ITGA11: variants seen among roughly 807,000 people sequenced by gnomAD.
The protein encoded by ITGA11 is integrin subunit alpha 11.
ITGA11 carries 97 observed loss-of-function variants against 141.9 expected under a neutral mutation model. That is an observed-to-expected ratio of 0.68 (90% confidence interval 0.58 to 0.81). The LOEUF is 0.81. ITGA11 is among the 30% of genes least tolerant of loss of function. ITGA11 has a pLI of 0.00. For synonymous variants in ITGA11, 658 were observed against 624.6 expected (o/e 1.05, Z -0.80); for missense variants, 1,387 against 1,559.2 (o/e 0.89, Z 1.86).
chr15:68,337,277 G>A (rs192565233), intron 11 of ITGA11, among the ~76,000 whole-genome samples: 23 of 152,292 alleles, frequency 1.5e-4, no homozygotes, highest in Non-Finnish European at 3.1e-4. Context: ...TGGTACCCAG[G>A]CAACTCTCTG....
chr15:68,313,799 C>T lies in ITGA11; in HGVS notation c.2862G>A (p.Glu954=), dbSNP rs1893477293. ...CCCACCTGGTGAAGAGGACGTCAGC[C>T]TCGTATTTGAGGTGGAAGCGTAAGG... The part of the protein sequence containing the change: ...VAPLRFHLKY[E]ADVLFTRSSS... The change falls in exon 23 of 30, where the codon GAG becomes GAA. Residue 954 remains glutamate, a synonymous_variant. Transcript: ENST00000315757. 1.2e-6 allele frequency: 2 copies of T among 1,613,930 alleles called. No homozygotes were observed. Among genetic ancestry groups the T allele is most frequent in the Non-Finnish European group, 1.7e-6 (2 of 1,179,864 alleles).
chr15:68,381,559 A>T (rs1895861630), intron 2 of ITGA11, among the ~76,000 whole-genome samples: 1 of 146,792 alleles, frequency 6.8e-6, no homozygotes, highest in Non-Finnish European at 1.5e-5. Context: ...CAGCATTCCA[A>T]TTTTTTTTTT....
chr15:68,342,698 A>AG (rs1894607733), intron 10 of ITGA11, among the ~76,000 whole-genome samples: 1 of 152,212 alleles, frequency 6.6e-6, no homozygotes, highest in Admixed American at 6.5e-5. Context: ...AGCATGGTCT[A>AG]GGGCAGTGCT....
At chr15:68,340,569 AGGCACT>A (rs959189419) in intron 10 of ITGA11, among the ~76,000 whole-genome samples, 12 of 152,108 alleles carry the variant, frequency 7.9e-5, no homozygotes, top group Admixed American at 6.6e-4. Context: ...CCAGCACCCA[AGGCACT>A]GGTGCTTCTG....
intron 1 of ITGA11, among the ~76,000 whole-genome samples, chr15:68,412,117 G>T (rs1162625363): frequency 6.6e-6 from 1 of 152,134 alleles, no homozygotes; most frequent in Non-Finnish European, 1.5e-5. Context: ...GGGGATTATT[G>T]GTTACAGGAC....
chr15:68,303,221 C>G lies in ITGA11; in HGVS notation c.3496-91G>C. ...CCTCCACTACCTTTCCTTGGGATTC[C>G]TCCCTCAGGGCTTCCTTGAGTACCC... On this transcript the variant is annotated intron_variant, in intron 29 of 29. Transcript: ENST00000315757. The surrounding 1 kb of genome is among the most constrained non-coding windows in gnomAD (Gnocchi z 5.3). 1 of 1,128,166 alleles carries G rather than the reference C, an allele frequency of 8.9e-7. No homozygotes were observed. Among genetic ancestry groups the G allele is most frequent in the East Asian group, 2.6e-5 (1 of 38,994 alleles). 69.9% of individuals were successfully genotyped at this position (1,128,166 alleles called of 1,614,324 possible).
Position 68,427,012 on chromosome 15 carries a change from C to CA in ITGA11, c.52+5002dup, listed in dbSNP as rs148867034. On this transcript the variant is annotated intron_variant, in intron 1 of 29. Coordinates refer to ENST00000315757, the MANE Select transcript of ITGA11 (RefSeq NM_001004439.2). ...CCTGGGCGACAGAGCAAGACTGTCT[C>CA]AAAAAAAAAAAAAAAAAAAAAAAAA... Among the ~76,000 whole-genome samples, 76 of 47,826 alleles carry CA rather than the reference C, an allele frequency of 1.6e-3. 2 individuals carry two copies. The highest frequency in any genetic ancestry group is 5.4e-3 in the African/African-American group (57 of 10,552). 31.4% of individuals were successfully genotyped at this position (47,826 alleles called of 152,430 possible).
At position 68,328,601 on chromosome 15, in the gene ITGA11, C is replaced by T. The variant is rs541408142; in HGVS notation, c.1902-339G>A. ...GCAGTGGTTCCCCACCCTGGATGCACATGTGAGTCATCTGAAGAGCTTAAA... is the reference window on the plus strand; with the variant it reads ...GCAGTGGTTCCCCACCCTGGATGCATATGTGAGTCATCTGAAGAGCTTAAA... On this transcript the variant is annotated intron_variant, in intron 15 of 29. Transcript: ENST00000315757. The surrounding 1 kb of genome is among the most constrained non-coding windows in gnomAD (Gnocchi z 4.8). 9.2e-5 allele frequency among the ~76,000 whole-genome samples: 14 copies of T among 152,292 alleles called. No homozygotes were observed. The highest frequency in any genetic ancestry group is 3.4e-4 in the African/African-American group (14 of 41,546).
At position 68,335,657 on chromosome 15, in the gene ITGA11, C is replaced by T. The variant is rs754047601; in HGVS notation, c.1425+40G>A. The T allele has an allele frequency of 1.2e-6, 2 of 1,606,616 alleles. No homozygotes were observed. Among genetic ancestry groups the T allele is most frequent in the Admixed American group, 1.7e-5 (1 of 59,282 alleles). ...CCCTCCCATTTGTCTGATCTGCCCC[C>T]TCTTCCCTCCATCCCGGCCCCAGGC... On this transcript the variant is annotated intron_variant, in intron 12 of 29. Transcript: ENST00000315757. The surrounding 1 kb of genome is among the most constrained non-coding windows in gnomAD (Gnocchi z 4.9).
chr15:68,377,931 A>C (rs1363817738), intron 2 of ITGA11, among the ~76,000 whole-genome samples: 1 of 152,184 alleles, frequency 6.6e-6, no homozygotes, highest in South Asian at 2.1e-4. Context: ...GGGATGCTGG[A>C]ATCTCCTGCC....
In ITGA11 at chr15:68,324,929, A is replaced by T. The variant is rs1209812586; in HGVS notation, c.2322+202T>A. Among the ~76,000 whole-genome samples the T allele has an allele frequency of 1.3e-5, 2 of 152,128 alleles. No individual in the cohort carries two copies. The highest frequency in any genetic ancestry group is 2.9e-5 in the Non-Finnish European group (2 of 68,032). ...GAAGGCCTGGGCCTTGCCCTTAAGG[A>T]ATTGATCTGCTAACACTCAGCACAG... On this transcript the variant is annotated intron_variant, in intron 18 of 29. Transcript: ENST00000315757. The surrounding 1 kb of genome is among the most constrained non-coding windows in gnomAD (Gnocchi z 6.3).
intron 2 of ITGA11, among the ~76,000 whole-genome samples, chr15:68,400,698 TTATATAATAAATATTA>T (rs1333290904): frequency 2.9e-5 from 1 of 34,948 alleles, no homozygotes; most frequent in Non-Finnish European, 4.4e-5. Context: ...ATATTATATA[TTATATAATAAATATTA>T]TATATTATAT....
chr15:68,387,920 T>G (rs1322438374), intron 2 of ITGA11, among the ~76,000 whole-genome samples: 1 of 152,128 alleles, frequency 6.6e-6, no homozygotes. Context: ...CTGCAGTCTG[T>G]CGTTCATCCC....
chr15:68,377,113 T>G (rs11630443), intron 2 of ITGA11, among the ~76,000 whole-genome samples: 4,830 of 152,296 alleles, frequency 0.032, 101 homozygotes, highest in African/African-American at 0.044. Context: ...TTTTGAAAAA[T>G]TTGTTTTACT....
rs1013947504 is a variant in ITGA11 at position 68,368,500 on chromosome 15, A to G, written c.265+684T>C. Among the ~76,000 whole-genome samples, 16 of 152,166 alleles carry G rather than the reference A, an allele frequency of 1.1e-4. 1 individual carries two copies. Among genetic ancestry groups the G allele is most frequent in the African/African-American group, 3.1e-4 (13 of 41,434 alleles). On this transcript the variant is annotated intron_variant, in intron 3 of 29. Coordinates refer to ENST00000315757, the MANE Select transcript of ITGA11 (RefSeq NM_001004439.2). Reference sequence around the variant, plus strand: ...CAAACACACACGAGTAGATTTTAGGAGGGCTTCGGAGGCTGGGGGCTGTTC... The same window carrying G: ...CAAACACACACGAGTAGATTTTAGGGGGGCTTCGGAGGCTGGGGGCTGTTC...
chr15:68,391,159 G>A (rs1362595629), intron 2 of ITGA11, among the ~76,000 whole-genome samples: 1 of 152,166 alleles, frequency 6.6e-6, no homozygotes, highest in Non-Finnish European at 1.5e-5. Flanking sequence ...AGAGATTCTA[G>A]AAAGGCCCAG....
intron 16 of ITGA11, 149 bp downstream of exon 16, chr15:68,327,947 T>A: frequency 1.4e-6 from 1 of 711,970 alleles, no homozygotes; most frequent in Non-Finnish European, 2.3e-6. Context: ...AATGAGAGCA[T>A]CAAATGGGAT....
intron 20 of ITGA11, 27 bp downstream of exon 20, chr15:68,320,158 A>T (rs748436569): frequency 6.2e-7 from 1 of 1,604,554 alleles, no homozygotes; most frequent in East Asian, 2.2e-5. Flanking sequence ...AGGCAGAGGC[A>T]GTCTGGGCAG....
chr15:68,351,360 C>A lies in ITGA11; in HGVS notation c.792G>T (p.Lys264Asn). 1.2e-6 allele frequency: 2 copies of A among 1,613,968 alleles called. No individual in the cohort carries two copies. Among genetic ancestry groups the A allele is most frequent in the Non-Finnish European group, 1.7e-6 (2 of 1,179,862 alleles). ...CCCCATCTGTGATGACAATCATCACCTTCTTGGCTCCTTTCCTTCCACCCT... is the reference window on the plus strand; with the variant it reads ...CCCCATCTGTGATGACAATCATCACATTCTTGGCTCCTTTCCTTCCACCCT... The part of the protein sequence containing the change: ...FQKGGRKGAK[K>N]VMIVITDGES... The change falls in exon 8 of 30, where the codon AAG becomes AAT. Residue 264 changes from lysine (K) to asparagine (N), a missense_variant. Lys to Asn is a moderately conservative substitution (Grantham distance 94, BLOSUM62 0). Coordinates refer to ENST00000315757, the MANE Select transcript of ITGA11 (RefSeq NM_001004439.2).
Sources: allele counts gnomAD v4.1 joint callset (sites outside exome capture counted in the v4.1 genomes callset), GRCh38; gene constraint gnomAD v4.1.1; non-coding constraint Gnocchi (gnomAD v3.1); transcripts MANE v1.5; gene names NCBI Gene and HGNC (gene_info 2026-07-23, HGNC 2026-07-21).